MICB: variants seen among roughly 807,000 people sequenced by gnomAD.
The protein encoded by MICB is MHC class I antigen-related protein B.
In MICB, 27 loss-of-function variants were observed where a neutral mutation model predicts 34.3. That is an observed-to-expected ratio of 0.79 (90% confidence interval 0.58 to 1.08). The LOEUF is 1.08. MICB is among the 50% of genes least tolerant of loss of function. The pLI is 0.00. For missense variants in MICB, 426 were observed against 483.1 expected, an observed-to-expected ratio of 0.88 and a Z score of 1.11; for synonymous variants, 153 against 187.4, an observed-to-expected ratio of 0.82 and a Z score of 1.50.
At chr6:31,496,072 T>C (rs1764635554), upstream of MICB, among the ~76,000 whole-genome samples, 1 of 152,180 alleles carries the variant, frequency 6.6e-6, no homozygotes. Context: ...ATTTAACTGG[T>C]TGTGGCTGTG....
At chr6:31,496,893 G>C (rs1764698106), upstream of MICB, 1 of 152,506 alleles carries the variant, frequency 6.6e-6, no homozygotes, top group Admixed American at 6.5e-5. Flanking sequence ...GCATCCTGGT[G>C]GGATAGGGTG....
chr6:31,506,990 G>A, intron 3 of MICB, 32 bp from the exon 4 acceptor site: 1 of 1,598,260 alleles, frequency 6.3e-7, no homozygotes, highest in Middle Eastern at 1.7e-4. Flanking sequence ...GAGGGGAGCA[G>A]GGCTTCACTG....
rs1036665023 is a variant in MICB at position 31,507,834 on chromosome 6, C to T, written c.1024+303C>T. ...TCCCCATCCCAGCCTCTCTGTCTCT[C>T]GGGCTCACTAGGGTGCGTCCAGGTG... On this transcript the variant is annotated intron_variant, in intron 5 of 5. Coordinates refer to ENST00000252229, the MANE Select transcript of MICB (RefSeq NM_005931.5). The surrounding 1 kb of genome is among the most constrained non-coding windows in gnomAD (Gnocchi z 6.0). Among the ~76,000 whole-genome samples the T allele has an allele frequency of 2.0e-5, 3 of 147,008 alleles. No homozygotes were observed. Among genetic ancestry groups the T allele is most frequent in the African/African-American group, 5.1e-5 (2 of 39,322 alleles).
chr6:31,509,955 A>T lies in MICB; in HGVS notation c.*46A>T, dbSNP rs563767396. On this transcript the variant is annotated 3_prime_UTR_variant, in exon 6 of 6. Transcript: ENST00000252229. The stretch of plus-strand genomic sequence containing the variant: ...GGATTCAACTCCCTGCCTGGATCTC[A>T]CCAGCACTTTCCCTCTGTTTCCTGA... 4 of 1,534,556 alleles carry T rather than the reference A, an allele frequency of 2.6e-6. No homozygotes were observed. In the South Asian group the frequency reaches 5.1e-5, roughly 20 times the overall value.
upstream of MICB, among the ~76,000 whole-genome samples, chr6:31,496,191 G>C (rs567174027): frequency 6.6e-4 from 94 of 141,422 alleles, no homozygotes; most frequent in African/African-American, 2.4e-3. Context: ...CTGGGGACAA[G>C]CCAATTCTCT....
intron 5 of MICB, among the ~76,000 whole-genome samples, chr6:31,509,310 C>T (rs1765529289): frequency 6.6e-6 from 1 of 152,218 alleles, no homozygotes; most frequent in Non-Finnish European, 1.5e-5. Context: ...TTAGGAGCTG[C>T]CTGCTCAGGG....
In MICB at chr6:31,506,450, G is replaced by C; in HGVS notation, c.613+20G>C. 1 of 1,607,832 alleles carries C rather than the reference G, an allele frequency of 6.2e-7. No homozygotes were observed. Among genetic ancestry groups the C allele is most frequent in the Non-Finnish European group, 8.5e-7 (1 of 1,176,444 alleles). ...GAACAGGTACCGACCCTGGCCAGGG[G>C]CTCTACTGTTCCCGCAATTCTGCTA... On this transcript the variant is annotated intron_variant, in intron 3 of 5. Transcript: ENST00000252229.
chr6:31,501,415 T>C (rs1349155801), intron 1 of MICB, among the ~76,000 whole-genome samples: 2 of 152,376 alleles, frequency 1.3e-5, no homozygotes, highest in East Asian at 3.9e-4. Flanking sequence ...TTTCCTTTGC[T>C]GTGCAGAAGC....
chr6:31,498,382 G>T, intron 1 of MICB, 119 bp downstream of exon 1: 2 of 665,130 alleles, frequency 3.0e-6, no homozygotes, highest in South Asian at 3.9e-5. Context: ...GCTGTCTGGA[G>T]TGCAGGGAGC....
chr6:31,497,788 G>A (rs1764744856), upstream of MICB, among the ~76,000 whole-genome samples: 1 of 152,142 alleles, frequency 6.6e-6, no homozygotes, highest in Non-Finnish European at 1.5e-5. Flanking sequence ...CCGGCGAAAG[G>A]GGCTTGGTGA....
chr6:31,498,221 C>T lies in MICB; in HGVS notation c.28C>T (p.Leu10=). 6.3e-7 allele frequency: 1 copy of T among 1,586,156 alleles called. No homozygotes were observed. Among genetic ancestry groups the T allele is most frequent in the Non-Finnish European group, 8.6e-7 (1 of 1,164,562 alleles). ...GGGGCTGGGCCGGGTCCTGCTGTTT[C>T]TGGCCGTCGCCTTCCCTTTTGCACC... The part of the protein sequence containing the change: MGLGRVLLF[L]AVAFPFAPPA... The change falls in exon 1 of 6, where the codon CTG becomes TTG. Residue 10 remains leucine, a synonymous_variant. Coordinates refer to ENST00000252229, the MANE Select transcript of MICB (RefSeq NM_005931.5).
chr6:31,498,446 CTTTTTTTTTTTTTTTTTTTTTT>C (rs9279321), intron 1 of MICB, among the ~76,000 whole-genome samples, 183 bp downstream of exon 1: 47 of 89,308 alleles, frequency 5.3e-4, no homozygotes, highest in Middle Eastern at 8.1e-3. Flanking sequence ...TCTCCCGTCT[CTTTTTTTTTTTTTTTTTTTTTT>C]TTTTTTTTTT....
At chr6:31,504,412 A>T (rs1201208635) in intron 1 of MICB, among the ~76,000 whole-genome samples, 1 of 151,440 alleles carries the variant, frequency 6.6e-6, no homozygotes, top group Non-Finnish European at 1.5e-5. Context: ...GGCGCCCGCC[A>T]CCACACCCGG....
At chr6:31,498,122 G>C (rs2516498), upstream of MICB, 198,126 of 1,321,516 alleles carry the variant, frequency 0.15, 16,505 homozygotes, top group Admixed American at 0.26. Flanking sequence ...ACTAAATTTC[G>C]ACGGGGTCTT....
intron 1 of MICB, among the ~76,000 whole-genome samples, chr6:31,502,367 G>A (rs533025266): frequency 6.6e-6 from 1 of 152,244 alleles, no homozygotes; most frequent in South Asian, 2.1e-4. Context: ...GATTCTTCCA[G>A]TCCGTGAACA....
upstream of MICB, among the ~76,000 whole-genome samples, chr6:31,497,820 G>A (rs1764747700): frequency 6.6e-6 from 1 of 152,176 alleles, no homozygotes; most frequent in South Asian, 2.1e-4. Flanking sequence ...CTTGGGGGTG[G>A]GAATGCGGGG....
At chr6:31,505,549 T>C (rs1765256843) in intron 1 of MICB, 68 bp from the exon 2 acceptor site, 3 of 1,590,418 alleles carry the variant, frequency 1.9e-6, no homozygotes, top group Non-Finnish European at 2.6e-6. Flanking sequence ...ACAGCAGACC[T>C]GTGTGTTAAA....
At chr6:31,509,206 G>A (rs1765523180) in intron 5 of MICB, among the ~76,000 whole-genome samples, 3 of 152,222 alleles carry the variant, frequency 2.0e-5, no homozygotes, top group Admixed American at 2.0e-4. Context: ...AAGGTGGGGG[G>A]TCCCAGGGTC....
chr6:31,505,759 G>A lies in MICB; in HGVS notation c.213G>A (p.Gln71=), dbSNP rs774102547. ...RQKRRAKPQG[Q]WAENVLGAKT... ...AACGCAGGGCAAAGCCCCAGGGACAGTGGGCAGAAAATGTCCTGGGAGCTA... is the reference window on the plus strand; with the variant it reads ...AACGCAGGGCAAAGCCCCAGGGACAATGGGCAGAAAATGTCCTGGGAGCTA... The change falls in exon 2 of 6, where the codon CAG becomes CAA. Residue 71 remains glutamine, a synonymous_variant. Transcript: ENST00000252229. The A allele has an allele frequency of 6.2e-7, 1 of 1,613,114 alleles. No individual in the cohort carries two copies. Among genetic ancestry groups the A allele is most frequent in the Non-Finnish European group, 8.5e-7 (1 of 1,180,054 alleles).
Sources: allele counts gnomAD v4.1 joint callset (sites outside exome capture counted in the v4.1 genomes callset), GRCh38; gene constraint gnomAD v4.1.1; non-coding constraint Gnocchi (gnomAD v3.1); transcripts MANE v1.5; gene names NCBI Gene and HGNC (gene_info 2026-07-23, HGNC 2026-07-21).